Variants in ZNF385D observed in about 807,000 individuals in gnomAD.
The protein encoded by ZNF385D is zinc finger protein 385D, also known as zinc finger protein 659.
Under a neutral mutation model 35.8 loss-of-function variants are expected in ZNF385D, and 15 were observed. The observed-to-expected ratio is 0.42, with a 90% CI of 0.28 to 0.64. The LOEUF is 0.64. Ranked by LOEUF, ZNF385D falls within the 30% of genes least tolerant of loss-of-function variation. The pLI is 0.23. For missense variants in ZNF385D, 474 were observed against 494.6 expected, an observed-to-expected ratio of 0.96 and a Z score of 0.39; for synonymous variants, 212 against 186.8, an observed-to-expected ratio of 1.13 and a Z score of -1.10.
At chr3:21,717,773 T>G (rs2068381926) in intron 1 of ZNF385D, among the ~76,000 whole-genome samples, 1 of 152,222 alleles carries the variant, frequency 6.6e-6, no homozygotes, top group Admixed American at 6.5e-5. Context: ...CTGTAAAACG[T>G]GCCTTTCACC....
chr3:22,230,988 A>C (rs533904538), intron 2 of ZNF385D, among the ~76,000 whole-genome samples: 4 of 152,134 alleles, frequency 2.6e-5, no homozygotes. Flanking sequence ...CAGAAGGGCA[A>C]TCTCTCTTGG....
intron 2 of ZNF385D, among the ~76,000 whole-genome samples, chr3:21,568,391 T>TATTA (rs1282691931): frequency 1.3e-5 from 2 of 152,042 alleles, no homozygotes; most frequent in East Asian, 4.0e-4. Flanking sequence ...CTTTATTTAC[T>TATTA]ATTATAATCA....
At chr3:21,424,274 A>ATT (rs1700881529) in intron 6 of ZNF385D, among the ~76,000 whole-genome samples, 1 of 71,666 alleles carries the variant, frequency 1.4e-5, no homozygotes, top group African/African-American at 4.2e-5. Flanking sequence ...TATATATACT[A>ATT]TTATATATAT....
At chr3:21,731,608 G>T (rs190818246) in intron 1 of ZNF385D, among the ~76,000 whole-genome samples, 7 of 152,290 alleles carry the variant, frequency 4.6e-5, no homozygotes, top group Admixed American at 4.6e-4. Flanking sequence ...CCTCATTACA[G>T]TAACATACAG....
chr3:22,190,772 G>A (rs1463090392), intron 2 of ZNF385D, among the ~76,000 whole-genome samples: 1 of 151,968 alleles, frequency 6.6e-6, no homozygotes, highest in Admixed American at 6.6e-5. Context: ...CTGTAACAAA[G>A]GTACAGGCTA....
At position 21,837,320 on chromosome 3, in the gene ZNF385D, G is replaced by A. The variant is rs1433209393; in HGVS notation, c.326-172292C>T. On this transcript the variant is annotated intron_variant, in intron 3 of 5. Coordinates refer to the ZNF385D transcript ENST00000494108. Reference sequence around the variant, plus strand: ...ATTTACTATGTCCAGAAGTATGGTGGGTTGTCTGCAAGGTCCTTGTGCTAA... The same window carrying A: ...ATTTACTATGTCCAGAAGTATGGTGAGTTGTCTGCAAGGTCCTTGTGCTAA... 2.6e-5 allele frequency among the ~76,000 whole-genome samples: 4 copies of A among 152,032 alleles called. No homozygotes were observed. In the East Asian group the frequency reaches 7.8e-4, roughly 29 times the overall value.
At chr3:22,064,704 C>A (rs1359504669) in intron 3 of ZNF385D, among the ~76,000 whole-genome samples, 1 of 152,146 alleles carries the variant, frequency 6.6e-6, no homozygotes. Context: ...ACACATATGA[C>A]ATGATCTCAC....
chr3:21,677,696 T>C (rs2125302732), intron 1 of ZNF385D, among the ~76,000 whole-genome samples: 1 of 152,130 alleles, frequency 6.6e-6, no homozygotes, highest in Admixed American at 6.6e-5. Context: ...CAGTCCTAAT[T>C]TCAAATAATA....
intron 2 of ZNF385D, among the ~76,000 whole-genome samples, chr3:21,614,304 CTCT>C (rs1041059885): frequency 6.6e-6 from 1 of 152,150 alleles, no homozygotes; most frequent in African/African-American, 2.4e-5. Flanking sequence ...TCTCTAGAGT[CTCT>C]TCTTGTATGT....
intron 3 of ZNF385D, among the ~76,000 whole-genome samples, chr3:21,835,344 T>C (rs1695266545): frequency 6.6e-6 from 1 of 152,022 alleles, no homozygotes; most frequent in Admixed American, 6.6e-5. Context: ...TGGCTCACGA[T>C]CCTTCCATTG....
At chr3:22,180,629 A>T (rs1312703062) in intron 2 of ZNF385D, among the ~76,000 whole-genome samples, 3 of 152,232 alleles carry the variant, frequency 2.0e-5, no homozygotes. Flanking sequence ...GGTTGGTTCA[A>T]CATATGCAAA....
At chr3:22,127,784 A>G (rs1385195995) in intron 3 of ZNF385D, among the ~76,000 whole-genome samples, 2 of 152,158 alleles carry the variant, frequency 1.3e-5, no homozygotes, top group East Asian at 3.9e-4. Context: ...AAGACATTCT[A>G]CACTTTAACT....
chr3:21,803,912 G>T (rs371201390), intron 3 of ZNF385D, among the ~76,000 whole-genome samples: 27 of 152,268 alleles, frequency 1.8e-4, no homozygotes, highest in Non-Finnish European at 3.1e-4. Flanking sequence ...TGTCTGTGGC[G>T]CTGTCACTTG....
chr3:22,192,778 G>T (rs913509586), intron 2 of ZNF385D, among the ~76,000 whole-genome samples: 5 of 152,088 alleles, frequency 3.3e-5, no homozygotes, highest in Non-Finnish European at 7.4e-5. Context: ...ACCCTAAGAA[G>T]ATGGGGGTGG....
chr3:21,832,874 G>A (rs1464549917), intron 3 of ZNF385D, among the ~76,000 whole-genome samples: 1 of 152,096 alleles, frequency 6.6e-6, no homozygotes, highest in Admixed American at 6.6e-5. Context: ...AAAGATCCAT[G>A]CACCAGATAT....
chr3:21,982,939 C>G (rs1694566974), intron 3 of ZNF385D, among the ~76,000 whole-genome samples: 1 of 151,828 alleles, frequency 6.6e-6, no homozygotes, highest in South Asian at 2.1e-4. Context: ...GGGGATGAAG[C>G]CTACTTGATC....
chr3:21,965,286 A>C (rs1466225387), intron 3 of ZNF385D, among the ~76,000 whole-genome samples: 1 of 152,220 alleles, frequency 6.6e-6, no homozygotes, highest in Non-Finnish European at 1.5e-5. Context: ...TATGCATCAA[A>C]TGAATGCCAC....
At chr3:22,110,154 A>T (rs1409067538) in intron 3 of ZNF385D, among the ~76,000 whole-genome samples, 1 of 152,092 alleles carries the variant, frequency 6.6e-6, no homozygotes, top group East Asian at 1.9e-4. Flanking sequence ...GCTGGAGAGG[A>T]TGTGGAGAAA....
At chr3:22,299,247 A>G (rs1418923389) in intron 2 of ZNF385D, among the ~76,000 whole-genome samples, 1 of 151,932 alleles carries the variant, frequency 6.6e-6, no homozygotes, top group East Asian at 1.9e-4. Flanking sequence ...TATAATGATT[A>G]TAGCTATTGT....
Sources: gnomAD v4.1 joint callset for allele counts (sites outside exome capture counted in the v4.1 genomes callset) on GRCh38, gnomAD v4.1.1 for gene constraint, MANE v1.5 for transcripts, NCBI Gene and HGNC (gene_info 2026-07-23, HGNC 2026-07-21) for gene names.